Variants in CHRNA4 observed in about 807,000 individuals in gnomAD.
The protein encoded by CHRNA4 is neuronal acetylcholine receptor subunit alpha-4.
In CHRNA4, 28 loss-of-function variants were observed where a neutral mutation model predicts 48.9. The observed-to-expected ratio is 0.57, with a 90% confidence interval of 0.42 to 0.79. CHRNA4 has a LOEUF of 0.79. Among genes scored for constraint, CHRNA4 ranks in the 30% least tolerant of loss-of-function variants. The pLI, the probability that CHRNA4 is intolerant of heterozygous loss-of-function variation, is 0.00. For synonymous variants in CHRNA4, 425 were observed against 402.3 expected (o/e 1.06, Z -0.68); for missense variants, 859 against 898.4 (o/e 0.96, Z 0.56).
Position 63,349,945 on chromosome 20 carries a change from A to G in CHRNA4, c.1466T>C (p.Ile489Thr), listed in dbSNP as rs377087067. ...ATCGTCTCGGGGAACACAGTACTGG[A>G]TGCTCCGAGACCGGCACCGGACGCC... is the stretch of plus-strand genomic sequence containing the variant. ...EGGVRCRSRS[I>T]QYCVPRDDAA... Residue 489 changes from isoleucine (I) to threonine (T), a missense_variant, in exon 5 of 6, where the codon ATC becomes ACC. Ile to Thr is a moderately conservative substitution (Grantham distance 89). Around this residue, in one of 3 missense-constraint regions of CHRNA4, gnomAD observed 478 missense variants for 455.4 expected, o/e 1.05. Coordinates refer to ENST00000370263, the MANE Select transcript of CHRNA4 (RefSeq NM_000744.7). 5 of 1,582,120 alleles carry G rather than the reference A, an allele frequency of 3.2e-6. No homozygotes were observed. The African/African-American group carries it at 5.4e-5, about 17-fold the overall frequency.
Position 63,350,706 on chromosome 20 carries a change from A to T in CHRNA4, c.705T>A (p.Tyr235Ter). Reference protein sequence around the residue: ...CCAEIYPDITYAFVIRRLPLF... With the variant: ...CCAEIYPDIT ...GCGGCAGCCGCCGGATGACGAAGGCATAGGTGATGTCCGGGTAGATCTCGG... is the reference window on the plus strand; with the variant it reads ...GCGGCAGCCGCCGGATGACGAAGGCTTAGGTGATGTCCGGGTAGATCTCGG... Residue 235 changes from tyrosine (Y) to a stop codon, truncating the protein, a stop_gained, in exon 5 of 6, where the codon TAT (tyrosine) becomes TAA (stop). Transcript: ENST00000370263. LOFTEE classifies it high-confidence loss of function. 3 of 1,613,928 alleles carry T rather than the reference A, an allele frequency of 1.9e-6. No homozygotes were observed. The South Asian group carries it at 3.3e-5, about 18-fold the overall frequency.
At chr20:63,358,767 T>C (rs908027934) in intron 2 of CHRNA4, among the ~76,000 whole-genome samples, 1 of 152,200 alleles carries the variant, frequency 6.6e-6, no homozygotes, top group African/African-American at 2.4e-5. Flanking sequence ...TTGGAGTGGC[T>C]GAGCCTGGCT....
At chr20:63,356,281 G>A in intron 3 of CHRNA4, 90 bp downstream of exon 3, 3 of 1,212,944 alleles carry the variant, frequency 2.5e-6, no homozygotes, top group Non-Finnish European at 2.3e-6. Context: ...GGTGGGGCAG[G>A]GCCAGGGTGG....
rs1339277984 is a variant in CHRNA4, at chr20:63,350,931, G to A, written c.480C>T (p.Ser160=). 4 of 1,613,954 alleles carry A rather than the reference G, an allele frequency of 2.5e-6. No homozygotes were observed. The highest frequency in any genetic ancestry group is 3.4e-6 in the Non-Finnish European group (4 of 1,180,012). The change falls in exon 5 of 6, where the codon TCC becomes TCT. Residue 160 remains serine (S), a synonymous_variant. Coordinates refer to ENST00000370263, the MANE Select transcript of CHRNA4 (RefSeq NM_000744.7). ...QWTPPAIYKS[S]CSIDVTFFPF... ...GGAAGAAGGTGACGTCGATGCTGCA[G>A]GAGCTCTTGTAAATGGCCGGGGGAG...
intron 4 of CHRNA4, among the ~76,000 whole-genome samples, chr20:63,352,084 G>A (rs1360624686): frequency 6.6e-6 from 1 of 152,168 alleles, no homozygotes; most frequent in Non-Finnish European, 1.5e-5. Flanking sequence ...CGACGCGTCG[G>A]GGGGAGCGGC....
chr20:63,355,616 G>A, intron 4 of CHRNA4: 1 of 1,310,014 alleles, frequency 7.6e-7, no homozygotes, highest in Admixed American at 2.3e-5. Context: ...TGGGGGCAAA[G>A]ACGTCGCGGG....
chr20:63,346,474 G>A lies in CHRNA4; in HGVS notation c.*264C>T, dbSNP rs2068496514. On this transcript the variant is annotated 3_prime_UTR_variant, in exon 6 of 6. Transcript: ENST00000370263. ...ACTGGACTTAGCCCGAGTCCTGCAG[G>A]TAGAAGGCGCCGACCCCCACCTCTG... 1 of 641,976 alleles carries A rather than the reference G, an allele frequency of 1.6e-6. No individual in the cohort carries two copies. Among genetic ancestry groups the A allele is most frequent in the East Asian group, 3.1e-5 (1 of 32,174 alleles). The allele number at this position is 641,976 out of a possible 1,614,324, so 39.8% of individuals were successfully genotyped here. A position where few individuals can be genotyped will look rare whatever the true frequency, so the allele number is the denominator to read the frequency against.
At chr20:63,351,186 T>TCCACGTCCACGTCCACAGCCACGC (rs760821300) in intron 4 of CHRNA4, 159 bp from the exon 5 acceptor site, 9 of 475,420 alleles carry the variant, frequency 1.9e-5, no homozygotes, top group Non-Finnish European at 2.5e-5. Flanking sequence ...CACATCCATG[T>TCCACGTCCACGTCCACAGCCACGC]CCCACGCCCA....
intron 2 of CHRNA4, 164 bp downstream of exon 2, chr20:63,359,384 A>G: frequency 1.2e-6 from 1 of 863,746 alleles, no homozygotes; most frequent in East Asian, 2.7e-5. Context: ...GCTGGGGCTC[A>G]GGCGGGGCAG....
intron 2 of CHRNA4, 38 bp from the exon 3 acceptor site, chr20:63,356,453 T>C (rs1310683154): frequency 1.3e-6 from 2 of 1,573,026 alleles, no homozygotes; most frequent in East Asian, 4.6e-5. Context: ...AGTGACCCCT[T>C]GGTGTCTTTC....
intron 1 of CHRNA4, 121 bp from the exon 2 acceptor site, chr20:63,359,820 A>G: frequency 4.5e-6 from 5 of 1,114,288 alleles, no homozygotes; most frequent in Non-Finnish European, 6.2e-6. Flanking sequence ...TCAGCTCCTC[A>G]CATGAGCCCT....
rs200107825 is a variant in CHRNA4 at position 63,344,322 on chromosome 20, G to A, written c.*2416C>T. ...GGGAGGGACGCCGACAGGAAGGGCT[G>A]GAGGGACCTTCTAGGGGCTGGGTCT... On this transcript the variant is annotated 3_prime_UTR_variant, in exon 6 of 6. Transcript: ENST00000370263. The surrounding 1 kb of genome is among the most constrained non-coding windows in gnomAD (Gnocchi z 4.5). The A allele has an allele frequency of 2.2e-6, 1 of 454,052 alleles. No individual in the cohort carries two copies. Among genetic ancestry groups the A allele is most frequent in the Non-Finnish European group, 4.4e-6 (1 of 226,772 alleles). 28.1% of individuals were successfully genotyped at this position (454,052 alleles called of 1,614,324 possible).
intron 5 of CHRNA4, among the ~76,000 whole-genome samples, chr20:63,347,232 C>T (rs543829176): frequency 9.8e-5 from 15 of 152,344 alleles, no homozygotes; most frequent in African/African-American, 3.4e-4. Flanking sequence ...TCAGGCACCC[C>T]GTGAGCGGTC....
In CHRNA4 at chr20:63,349,975, TC is replaced by T; in HGVS notation, c.1435del (p.Glu479LysfsTer86). 1 of 1,555,138 alleles carries T rather than the reference TC, an allele frequency of 6.4e-7. No homozygotes were observed. Among genetic ancestry groups the T allele is most frequent in the Non-Finnish European group, 8.7e-7 (1 of 1,148,878 alleles). On this transcript the variant is annotated frameshift_variant, in exon 5 of 6. Transcript: ENST00000370263. LOFTEE classifies it high-confidence loss of function. ...CCGAGACCGGCACCGGACGCCGCCT[TC>T]CACCGCTTCGCCAGGGCTGGACATG... is the stretch of plus-strand genomic sequence containing the variant. ...QHMSSPGEAVEGGVRCRSRSI... is the reference protein window; with the variant it reads ...QHMSSPGEAVXGGVRCRSRSI...
At chr20:63,356,777 C>T (rs938398815) in intron 2 of CHRNA4, among the ~76,000 whole-genome samples, 14 of 152,290 alleles carry the variant, frequency 9.2e-5, no homozygotes, top group African/African-American at 3.4e-4. Context: ...GCAGACAAGG[C>T]CCCCATGTGG....
At chr20:63,353,956 G>A (rs1429401908) in intron 4 of CHRNA4, among the ~76,000 whole-genome samples, 1 of 66,024 alleles carries the variant, frequency 1.5e-5, no homozygotes, top group Non-Finnish European at 3.1e-5. Context: ...CCCTCGGGGG[G>A]GCTGCGGTCC....
intron 1 of CHRNA4, among the ~76,000 whole-genome samples, chr20:63,360,465 C>G (rs1005847996): frequency 6.6e-6 from 1 of 152,132 alleles, no homozygotes; most frequent in African/African-American, 2.4e-5. Context: ...GCCCCAGGAT[C>G]TGAGGCATTC....
rs199817847 is a variant in CHRNA4, at chr20:63,346,827, C to T, written c.1795G>A (p.Asp599Asn). ...EDWKYVAMVI[D>N]RIFLWMFIIV... is the part of the protein sequence containing the mutation. ...ATGAACATCCAGAGGAAGATGCGGT[C>T]GATGACCATGGCCACGTACTTCCAG... is the stretch of plus-strand genomic sequence containing the variant. The change falls in exon 6 of 6, where the codon GAC (aspartate) becomes AAC (asparagine). Residue 599 changes from aspartate (D) to asparagine (N), a missense_variant. Physicochemically the swap from Asp to Asn is conservative, Grantham distance 23. Coordinates refer to ENST00000370263, the MANE Select transcript of CHRNA4 (RefSeq NM_000744.7). 4.3e-6 allele frequency: 7 copies of T among 1,612,666 alleles called. No homozygotes were observed. The East Asian group carries it at 8.9e-5, about 21-fold the overall frequency.
chr20:63,352,852 C>T (rs2068636526), intron 4 of CHRNA4, among the ~76,000 whole-genome samples: 2 of 152,152 alleles, frequency 1.3e-5, no homozygotes, highest in South Asian at 2.1e-4. Flanking sequence ...GGTCCCACAG[C>T]ACCCCTGGGC....
Sources: allele counts gnomAD v4.1 joint callset (sites outside exome capture counted in the v4.1 genomes callset), GRCh38; gene constraint gnomAD v4.1.1; regional missense constraint gnomAD v4.1.1; non-coding constraint Gnocchi (gnomAD v3.1); transcripts MANE v1.5; gene names NCBI Gene and HGNC (gene_info 2026-07-23, HGNC 2026-07-21).